The following LINGO2 variants were observed in gnomAD, a reference collection of about 807,000 sequenced individuals.
LINGO2 encodes the protein leucine-rich repeat and immunoglobulin-like domain-containing nogo receptor-interacting protein 2.
Under a neutral mutation model 30.6 loss-of-function variants are expected in LINGO2, and 14 were observed. The ratio of observed to expected loss-of-function variants is 0.46; its 90% CI spans 0.30 to 0.72. The LOEUF (loss-of-function observed/expected upper bound fraction) is 0.72, where lower values mean the gene tolerates loss of function less well. Ranked by LOEUF, LINGO2 falls within the 30% of genes least tolerant of loss-of-function variation. The pLI, the probability that LINGO2 is intolerant of heterozygous loss-of-function variation, is 0.07. For synonymous variants in LINGO2, 317 were observed against 288.5 expected (o/e 1.10, Z -1.00); for missense variants, 729 against 751.7 (o/e 0.97, Z 0.35).
At chr9:28,382,120 T>G (rs62559511) in intron 2 of LINGO2, among the ~76,000 whole-genome samples, 1 of 152,068 alleles carries the variant, frequency 6.6e-6, no homozygotes, top group Non-Finnish European at 1.5e-5. Context: ...TAATAATACT[T>G]GCCTCAAGGT....
At chr9:29,040,476 T>A in the LINGO2 span, among the ~76,000 whole-genome samples, 1 of 151,700 alleles carries the variant, frequency 6.6e-6, no homozygotes. Context: ...TTTTTACATA[T>A]AAATACTGGT....
intron 3 of LINGO2, among the ~76,000 whole-genome samples, chr9:28,321,104 C>T (rs1364565962): frequency 1.3e-5 from 2 of 152,020 alleles, no homozygotes; most frequent in African/African-American, 2.4e-5. Flanking sequence ...TTCATTCTCA[C>T]CCTTATCCCA....
At chr9:28,557,462 A>T (rs1209570627) in intron 1 of LINGO2, among the ~76,000 whole-genome samples, 3 of 151,994 alleles carry the variant, frequency 2.0e-5, no homozygotes, top group Admixed American at 6.6e-5. Context: ...ATCTCACACC[A>T]GTTAGAATGG....
the LINGO2 span, among the ~76,000 whole-genome samples, chr9:29,205,366 G>A: frequency 4.6e-5 from 7 of 152,118 alleles, no homozygotes; most frequent in East Asian, 3.9e-4. Context: ...TGTTAATATG[G>A]TGAACTATTC....
chr9:28,737,833 A>AAC, the LINGO2 span, among the ~76,000 whole-genome samples: 1 of 151,992 alleles, frequency 6.6e-6, no homozygotes, highest in African/African-American at 2.4e-5. Context: ...CACACACACA[A>AAC]ACACACACAC....
the LINGO2 span, among the ~76,000 whole-genome samples, chr9:29,047,594 C>T: frequency 6.6e-6 from 1 of 152,070 alleles, no homozygotes; most frequent in Non-Finnish European, 1.5e-5. Flanking sequence ...TCACCAATTT[C>T]ATTCTAGTAC....
chr9:27,949,035 G>A (rs778781698), exon 6 of LINGO2: 8 of 1,613,946 alleles, frequency 5.0e-6, no homozygotes, highest in Non-Finnish European at 5.9e-6. Flanking sequence ...GCAGCCCATA[G>A]CTGTAGACAC....
chr9:28,091,002 T>G (rs1826066409), intron 4 of LINGO2, among the ~76,000 whole-genome samples: 1 of 152,120 alleles, frequency 6.6e-6, no homozygotes, highest in Non-Finnish European at 1.5e-5. Flanking sequence ...GAATCCAACT[T>G]ACAAGGGATA....
At chr9:28,117,221 C>T (rs376955135) in intron 4 of LINGO2, among the ~76,000 whole-genome samples, 89 of 151,648 alleles carry the variant, frequency 5.9e-4, no homozygotes, top group South Asian at 2.1e-3. Flanking sequence ...GTTAGGCTGC[C>T]CGGGGTTCAG....
the LINGO2 span, among the ~76,000 whole-genome samples, chr9:29,175,128 G>A: frequency 3.3e-5 from 5 of 152,008 alleles, no homozygotes; most frequent in Non-Finnish European, 5.9e-5. Flanking sequence ...GTGTGGTGGT[G>A]CATGCCTGTA....
intron 2 of LINGO2, among the ~76,000 whole-genome samples, chr9:28,411,728 T>A (rs34196605): frequency 1.3e-5 from 2 of 151,948 alleles, no homozygotes; most frequent in Non-Finnish European, 2.9e-5. Context: ...GCTATGAACA[T>A]GGGTATACAA....
At chr9:28,610,719 C>T (rs1217584965) in intron 1 of LINGO2, among the ~76,000 whole-genome samples, 2 of 151,976 alleles carry the variant, frequency 1.3e-5, no homozygotes, top group Non-Finnish European at 1.5e-5. Flanking sequence ...ATAAACCAGG[C>T]TCAGATATTT....
chr9:28,571,260 G>C (rs1408423108), intron 1 of LINGO2, among the ~76,000 whole-genome samples: 1 of 151,948 alleles, frequency 6.6e-6, no homozygotes, highest in Non-Finnish European at 1.5e-5. Context: ...AATTTCCTAA[G>C]AACTACTGAT....
intron 4 of LINGO2, among the ~76,000 whole-genome samples, chr9:28,292,316 C>T (rs1003933603): frequency 2.6e-5 from 4 of 152,146 alleles, no homozygotes; most frequent in African/African-American, 9.7e-5. Context: ...TAAGATCCAA[C>T]TCACATGGGC....
At chr9:28,744,606 C>G in the LINGO2 span, among the ~76,000 whole-genome samples, 1 of 118,484 alleles carries the variant, frequency 8.4e-6, no homozygotes, top group Non-Finnish European at 1.8e-5. Context: ...CAGATATTCC[C>G]CTCGTGTGTG....
chr9:28,658,339 CAA>C (rs1019179932), intron 1 of LINGO2, among the ~76,000 whole-genome samples: 30 of 152,060 alleles, frequency 2.0e-4, no homozygotes, highest in African/African-American at 6.7e-4. Context: ...GTGGAAAATT[CAA>C]GTCTCCTACT....
intron 4 of LINGO2, among the ~76,000 whole-genome samples, chr9:28,069,241 C>A (rs180863897): frequency 2.6e-5 from 4 of 152,132 alleles, no homozygotes; most frequent in Admixed American, 1.3e-4. Context: ...GCTGTCAGTT[C>A]CCTGAGGTAG....
intron 4 of LINGO2, among the ~76,000 whole-genome samples, chr9:28,236,423 G>A (rs923391868): frequency 3.3e-5 from 5 of 152,072 alleles, no homozygotes; most frequent in African/African-American, 7.2e-5. Context: ...AAAGAAAAAC[G>A]CGGAATAGTT....
At chr9:28,063,043 T>A (rs1825204684) in intron 4 of LINGO2, among the ~76,000 whole-genome samples, 2 of 152,132 alleles carry the variant, frequency 1.3e-5, no homozygotes, top group African/African-American at 4.8e-5. Flanking sequence ...CAGAAAGATG[T>A]AACAACTTTG....
Sources: gnomAD v4.1 joint callset for allele counts (sites outside exome capture counted in the v4.1 genomes callset) on GRCh38, gnomAD v4.1.1 for gene constraint, MANE v1.5 for transcripts, NCBI Gene and HGNC (gene_info 2026-07-23, HGNC 2026-07-21) for gene names.